STAB2: variants seen among roughly 807,000 people sequenced by gnomAD.
STAB2 encodes stabilin 2, also known as stabilin-2.
A neutral mutation model predicts 338.1 loss-of-function variants in STAB2; 288 were observed. The ratio of observed to expected loss-of-function variants is 0.85; its 90% CI spans 0.77 to 0.94. STAB2 has a LOEUF of 0.94. Among genes scored for constraint, STAB2 ranks in the 40% least tolerant of loss-of-function variants. The pLI is 0.00. For missense variants in STAB2, 3,141 were observed against 3,210.1 expected (o/e 0.98, Z 0.52); for synonymous variants, 1,202 against 1,193.3 (o/e 1.01, Z -0.15).
chr12:103,749,185 G>A, intron 59 of STAB2, 29 bp downstream of exon 59: 1 of 1,573,330 alleles, frequency 6.4e-7, no homozygotes, highest in Non-Finnish European at 8.7e-7. Context: ...GGGAAATTTG[G>A]GAGCAGCGCC....
intron 1 of STAB2, 72 bp downstream of exon 1, chr12:103,587,629 CTG>C: frequency 1.6e-6 from 2 of 1,277,782 alleles, no homozygotes; most frequent in South Asian, 2.5e-5. Flanking sequence ...TCGTTTTCCT[CTG>C]TTGTTATGGG....
intron 2 of STAB2, among the ~76,000 whole-genome samples, chr12:103,593,479 T>C (rs35487845): frequency 7.9e-5 from 12 of 152,344 alleles, no homozygotes; most frequent in African/African-American, 2.9e-4. Flanking sequence ...TCAAAATTAG[T>C]TCCTGAAGGG....
At chr12:103,740,532 G>T in intron 54 of STAB2, 98 bp from the exon 55 acceptor site, 1 of 1,479,088 alleles carries the variant, frequency 6.8e-7, no homozygotes. Flanking sequence ...TTTTTTATTT[G>T]GGCAGTACCT....
intron 30 of STAB2, among the ~76,000 whole-genome samples, chr12:103,691,292 G>C (rs919705200): frequency 2.6e-5 from 4 of 152,186 alleles, no homozygotes; most frequent in Admixed American, 6.5e-5. Context: ...AAATGTTTGA[G>C]AATTACTGCC....
At chr12:103,676,153 C>T in intron 24 of STAB2, 132 bp downstream of exon 24, 1 of 560,992 alleles carries the variant, frequency 1.8e-6, no homozygotes, top group Non-Finnish European at 2.9e-6. Flanking sequence ...CATCCGCCTC[C>T]CGGATTCAAG....
intron 63 of STAB2, among the ~76,000 whole-genome samples, chr12:103,757,341 G>A (rs2139222102): frequency 6.6e-6 from 1 of 152,270 alleles, no homozygotes; most frequent in South Asian, 2.1e-4. Context: ...TCTCACCTCA[G>A]CCTCCCAAAG....
intron 3 of STAB2, among the ~76,000 whole-genome samples, chr12:103,609,213 A>G (rs1227588347): frequency 2.0e-5 from 3 of 152,134 alleles, no homozygotes; most frequent in Non-Finnish European, 4.4e-5. Flanking sequence ...GTTTTTTCCA[A>G]TTCTGTGAAG....
intron 46 of STAB2, among the ~76,000 whole-genome samples, chr12:103,727,047 T>A (rs1385544113): frequency 6.6e-6 from 1 of 152,234 alleles, no homozygotes; most frequent in African/African-American, 2.4e-5. Flanking sequence ...ATTTTCAAAA[T>A]CTTTAATACA....
intron 10 of STAB2, among the ~76,000 whole-genome samples, chr12:103,649,499 C>T (rs577114497): frequency 4.2e-4 from 64 of 152,184 alleles, no homozygotes; most frequent in African/African-American, 1.5e-3. Context: ...CAAATCCAGC[C>T]GTTCTGAAAA....
chr12:103,750,621 G>T lies in STAB2; in HGVS notation c.6481G>T (p.Gly2161Trp). 1.2e-6 allele frequency: 2 copies of T among 1,614,218 alleles called. No homozygotes were observed. Among genetic ancestry groups the T allele is most frequent in the Non-Finnish European group, 1.7e-6 (2 of 1,180,032 alleles). Residue 2161 changes from glycine to tryptophan, a missense_variant, in exon 60 of 69, where the codon GGG becomes TGG. Coordinates refer to ENST00000388887, the MANE Select transcript of STAB2 (RefSeq NM_017564.10). Reference sequence around the variant, plus strand: ...GTGTAAAAGTCACTATGTCGGAGATGGGCTGAACTGTGAGCCGGAGCAGCT... The same window carrying T: ...GTGTAAAAGTCACTATGTCGGAGATTGGCTGAACTGTGAGCCGGAGCAGCT... ...CECKSHYVGD[G>W]LNCEPEQLPI...
At chr12:103,737,472 T>C (rs752693673) in intron 52 of STAB2, among the ~76,000 whole-genome samples, 162 bp from the exon 53 acceptor site, 27 of 152,158 alleles carry the variant, frequency 1.8e-4, no homozygotes, top group Non-Finnish European at 5.9e-5. Flanking sequence ...ATTTGATAAA[T>C]ATATGAATAC....
intron 67 of STAB2, 76 bp downstream of exon 67, chr12:103,762,478 C>A: frequency 1.2e-6 from 2 of 1,602,746 alleles, no homozygotes; most frequent in East Asian, 2.2e-5. Flanking sequence ...CTGCTTCAGT[C>A]GGTGGCTGCG....
At chr12:103,755,098 A>G (rs1883993705) in intron 61 of STAB2, 1 of 615,972 alleles carries the variant, frequency 1.6e-6, no homozygotes, top group Non-Finnish European at 2.8e-6. Context: ...CCTACAAGAA[A>G]GAGAGGACAC....
chr12:103,670,657 T>A (rs199929471), intron 21 of STAB2, 39 bp from the exon 22 acceptor site: 1 of 1,501,602 alleles, frequency 6.7e-7, no homozygotes, highest in East Asian at 2.3e-5. Context: ...CTGAGAACTA[T>A]GTGTCCTAAT....
chr12:103,755,775 GTA>G, intron 63 of STAB2, 57 bp downstream of exon 63: 2 of 1,544,786 alleles, frequency 1.3e-6, no homozygotes, highest in Non-Finnish European at 8.9e-7. Flanking sequence ...CTCAAAGCAG[GTA>G]TTAGAGGGGT....
chr12:103,698,430 G>A (rs1387985693), intron 33 of STAB2, among the ~76,000 whole-genome samples: 1 of 152,096 alleles, frequency 6.6e-6, no homozygotes, highest in East Asian at 1.9e-4. Context: ...GTTAAGAGGG[G>A]TGGAAGAGGG....
intron 22 of STAB2, among the ~76,000 whole-genome samples, chr12:103,672,958 G>A (rs932697982): frequency 6.6e-6 from 1 of 151,998 alleles, no homozygotes; most frequent in African/African-American, 2.4e-5. Flanking sequence ...TCCTCTCTCT[G>A]GGCCTCAGCT....
chr12:103,755,199 CTT>C (rs1884001456), intron 61 of STAB2, 101 bp from the exon 62 acceptor site: 1 of 1,500,996 alleles, frequency 6.7e-7, no homozygotes. Flanking sequence ...CAAAGTGAGA[CTT>C]TATGGGTTTT....
Position 103,727,271 on chromosome 12 carries a change from A to T in STAB2, c.4856A>T (p.His1619Leu). 6.2e-7 allele frequency: 1 copy of T among 1,614,232 alleles called. No homozygotes were observed. The highest frequency in any genetic ancestry group is 8.5e-7 in the Non-Finnish European group (1 of 1,180,024). Residue 1619 changes from histidine to leucine, a missense_variant, in exon 47 of 69, where the codon CAT becomes CTT. Coordinates refer to ENST00000388887, the MANE Select transcript of STAB2 (RefSeq NM_017564.10). ...GCCTCACCTTTCTTCCCACAGGAGC[A>T]TTTCGTGAAAGATCTGGTCGGCCCA... ...TSQYFFQLQE[H>L]FVKDLVGPGP...
Sources: allele counts gnomAD v4.1 joint callset (sites outside exome capture counted in the v4.1 genomes callset), GRCh38; gene constraint gnomAD v4.1.1; transcripts MANE v1.5; gene names NCBI Gene and HGNC (gene_info 2026-07-23, HGNC 2026-07-21).